Variants in SGCZ observed in about 807,000 individuals in gnomAD.
SGCZ encodes zeta-sarcoglycan.
SGCZ carries 40 observed loss-of-function variants against 41.3 expected under a neutral mutation model. The observed-to-expected ratio is 0.97, with a 90% CI of 0.75 to 1.26. The LOEUF (loss-of-function observed/expected upper bound fraction) is 1.26. Ranked by LOEUF, SGCZ falls within the 50% of genes most tolerant of loss-of-function variation. The pLI is 0.00. For synonymous variants in SGCZ, 206 were observed against 137.5 expected (o/e 1.50, Z -3.49); for missense variants, 552 against 369.8 (o/e 1.49, Z -4.04).
At chr8:14,848,239 G>A (rs1803201727) in intron 1 of SGCZ, among the ~76,000 whole-genome samples, 1 of 152,166 alleles carries the variant, frequency 6.6e-6, no homozygotes, top group Admixed American at 6.5e-5. Context: ...CATAGCTGGT[G>A]TTAATGGGTA....
chr8:14,588,102 A>G (rs1015836108), intron 1 of SGCZ, among the ~76,000 whole-genome samples: 2 of 152,038 alleles, frequency 1.3e-5, no homozygotes, highest in African/African-American at 4.8e-5. Flanking sequence ...ATTAATTCAG[A>G]CTGTTTCAGG....
chr8:14,098,804 G>C (rs1488181368), intron 7 of SGCZ, among the ~76,000 whole-genome samples: 1 of 152,136 alleles, frequency 6.6e-6, no homozygotes, highest in African/African-American at 2.4e-5. Context: ...AAGGATTGCA[G>C]GTGACAGCCT....
intron 6 of SGCZ, among the ~76,000 whole-genome samples, chr8:14,103,229 T>G (rs1039590152): frequency 6.6e-6 from 1 of 151,858 alleles, no homozygotes; most frequent in Non-Finnish European, 1.5e-5. Flanking sequence ...ACAGTCAGAG[T>G]TGGGAGGCAG....
chr8:15,121,712 C>A (rs1282963434), intron 1 of SGCZ, among the ~76,000 whole-genome samples: 1 of 152,072 alleles, frequency 6.6e-6, no homozygotes, highest in African/African-American at 2.4e-5. Context: ...GCTTTGGGTC[C>A]TGAACCACAG....
chr8:14,685,635 T>G (rs113219975), intron 1 of SGCZ, among the ~76,000 whole-genome samples: 2 of 152,138 alleles, frequency 1.3e-5, no homozygotes, highest in Non-Finnish European at 2.9e-5. Flanking sequence ...TCACTACATA[T>G]GAGTTATTAA....
chr8:14,608,260 C>CTTTT (rs35064962), intron 1 of SGCZ, among the ~76,000 whole-genome samples: 5 of 148,062 alleles, frequency 3.4e-5, no homozygotes, highest in African/African-American at 5.0e-5. Context: ...TTATTTGAGG[C>CTTTT]TTTTTTTTTT....
chr8:14,395,010 GTAAAACTGATGTAGTGATA>G (rs1798869875), intron 2 of SGCZ, among the ~76,000 whole-genome samples: 1 of 152,076 alleles, frequency 6.6e-6, no homozygotes, highest in Non-Finnish European at 1.5e-5. Flanking sequence ...TTCCTAAATT[GTAAAACTGATGTAGTGATA>G]ATATCTACCT....
Position 15,077,374 on chromosome 8 carries a change from C to A in SGCZ, c.39+160211G>T, listed in dbSNP as rs1805574385. Among the ~76,000 whole-genome samples the A allele has an allele frequency of 2.0e-5, 3 of 152,200 alleles. No homozygotes were observed. The South Asian group carries it at 6.2e-4, about 31-fold the overall frequency. ...TGTTATTGCAGTAATTTGGAGTGCT[C>A]TGCCTGGCAGATTTTCTCTTATAAA... On this transcript the variant is annotated intron_variant, in intron 1 of 7. Transcript: ENST00000382080.
At chr8:14,563,339 T>C (rs10503500) in intron 1 of SGCZ, among the ~76,000 whole-genome samples, 1 of 152,132 alleles carries the variant, frequency 6.6e-6, no homozygotes, top group Non-Finnish European at 1.5e-5. Flanking sequence ...GAGAATATTA[T>C]GAGATATGGC....
In SGCZ at chr8:14,179,033, CA is replaced by C. The variant is rs575018295; in HGVS notation, c.425-14332del. ...TTGAGTCCATAAGGTAATCAGGAAA[CA>C]AAAAGGAGATGGATGCTTGTACACT... is the stretch of plus-strand genomic sequence containing the variant. On this transcript the variant is annotated intron_variant, in intron 4 of 7. Coordinates refer to ENST00000382080, the MANE Select transcript of SGCZ (RefSeq NM_139167.4). 1.7e-3 allele frequency among the ~76,000 whole-genome samples: 252 copies of C among 152,238 alleles called. 1 individual carries two copies. Among genetic ancestry groups the C allele is most frequent in the African/African-American group, 5.6e-3 (234 of 41,532 alleles).
chr8:14,243,027 G>A (rs952312963), intron 3 of SGCZ, among the ~76,000 whole-genome samples: 2 of 152,144 alleles, frequency 1.3e-5, no homozygotes, highest in Non-Finnish European at 2.9e-5. Context: ...CCAGGTTTTG[G>A]TAGCATGACC....
At chr8:14,362,298 G>C (rs566838781) in intron 2 of SGCZ, among the ~76,000 whole-genome samples, 13 of 152,214 alleles carry the variant, frequency 8.5e-5, no homozygotes, top group Non-Finnish European at 1.3e-4. Flanking sequence ...AATCTAGAGA[G>C]GCAGTAGGCC....
intron 1 of SGCZ, among the ~76,000 whole-genome samples, chr8:14,610,720 T>C (rs1036243172): frequency 6.6e-6 from 1 of 152,108 alleles, no homozygotes; most frequent in East Asian, 1.9e-4. Context: ...ATAAGTTGCA[T>C]CTGTTGTAAG....
intron 2 of SGCZ, among the ~76,000 whole-genome samples, chr8:14,507,199 C>G (rs565666633): frequency 6.6e-6 from 1 of 151,396 alleles, no homozygotes; most frequent in South Asian, 2.1e-4. Flanking sequence ...GTCAACTCTG[C>G]ATTCAAATAC....
chr8:14,123,269 CA>C (rs1473803847), intron 5 of SGCZ, among the ~76,000 whole-genome samples: 2 of 152,116 alleles, frequency 1.3e-5, no homozygotes, highest in East Asian at 3.9e-4. Flanking sequence ...AATAACAAAG[CA>C]AACAATCAGT....
chr8:14,960,362 T>C (rs375208958), intron 1 of SGCZ, among the ~76,000 whole-genome samples: 1 of 152,088 alleles, frequency 6.6e-6, no homozygotes, highest in African/African-American at 2.4e-5. Context: ...CTCTGATTTT[T>C]TTTTTATGGG....
intron 1 of SGCZ, among the ~76,000 whole-genome samples, chr8:14,788,104 G>A (rs2130458858): frequency 6.6e-6 from 1 of 152,226 alleles, no homozygotes; most frequent in South Asian, 2.1e-4. Context: ...GTGGTAGAAA[G>A]CATTTTGTGA....
At chr8:14,566,940 A>G (rs1486116897) in intron 1 of SGCZ, among the ~76,000 whole-genome samples, 2 of 152,124 alleles carry the variant, frequency 1.3e-5, no homozygotes, top group Non-Finnish European at 2.9e-5. Context: ...TGGCCCCGCC[A>G]GCTGGCCCCA....
intron 1 of SGCZ, among the ~76,000 whole-genome samples, chr8:15,127,165 G>A (rs1750754286): frequency 6.6e-6 from 1 of 151,908 alleles, no homozygotes; most frequent in African/African-American, 2.4e-5. Flanking sequence ...TAGTCAAAGA[G>A]GTACAGGCTA....
Sources: allele counts gnomAD v4.1 joint callset (sites outside exome capture counted in the v4.1 genomes callset), GRCh38; gene constraint gnomAD v4.1.1; transcripts MANE v1.5; gene names NCBI Gene and HGNC (gene_info 2026-07-23, HGNC 2026-07-21).